Variants in FHIP2A observed in about 807,000 individuals in gnomAD.
The protein encoded by FHIP2A is FHF complex subunit HOOK interacting protein 2A.
Under a neutral mutation model 93.5 loss-of-function variants are expected in FHIP2A, and 46 were observed. The observed-to-expected ratio is 0.49, with a 90% CI of 0.39 to 0.63. The LOEUF (loss-of-function observed/expected upper bound fraction) is 0.63, where lower values mean the gene tolerates loss of function less well. Among genes scored for constraint, FHIP2A ranks in the 20% least tolerant of loss-of-function variants. The probability of loss-of-function intolerance (pLI) is 0.00; values close to 1 mark genes in which losing one functional copy is unlikely to be tolerated. For missense variants in FHIP2A, 769 were observed against 909.7 expected (o/e 0.85, Z 1.99); for synonymous variants, 332 against 326.5 (o/e 1.02, Z -0.18).
chr10:114,875,831 G>A (rs571433838), intron 16 of FHIP2A, among the ~76,000 whole-genome samples: 8 of 138,724 alleles, frequency 5.8e-5, no homozygotes, highest in East Asian at 2.0e-4. Flanking sequence ...AGGTAGGAAG[G>A]TAAGAGAGAA....
At chr10:114,876,197 A>G (rs1324299766) in intron 16 of FHIP2A, among the ~76,000 whole-genome samples, 1 of 151,860 alleles carries the variant, frequency 6.6e-6, no homozygotes, top group Non-Finnish European at 1.5e-5. Flanking sequence ...CTTCCTTCCT[A>G]CGTTCCCACC....
intron 5 of FHIP2A, among the ~76,000 whole-genome samples, chr10:114,837,750 A>G (rs745761153): frequency 7.2e-5 from 11 of 152,066 alleles, no homozygotes; most frequent in East Asian, 1.9e-4. Flanking sequence ...TTCCATCCCA[A>G]TAGTTTTCTC....
At chr10:114,876,284 T>A (rs974680868) in intron 16 of FHIP2A, among the ~76,000 whole-genome samples, 63 of 152,190 alleles carry the variant, frequency 4.1e-4, no homozygotes, top group African/African-American at 1.5e-3. Flanking sequence ...GTCCACGTCA[T>A]CTCTGGTCCT....
At chr10:114,879,498 A>C (rs1353255475) in intron 16 of FHIP2A, among the ~76,000 whole-genome samples, 2 of 152,218 alleles carry the variant, frequency 1.3e-5, no homozygotes, top group Non-Finnish European at 1.5e-5. Flanking sequence ...TTTTCAAGAA[A>C]GGTAATGATG....
At chr10:114,845,277 T>C in intron 7 of FHIP2A, 90 bp from the exon 8 acceptor site, 1 of 708,220 alleles carries the variant, frequency 1.4e-6, no homozygotes, top group Non-Finnish European at 2.6e-6. Flanking sequence ...TATCTGAGTG[T>C]GTTCATGTGC....
rs374400919 is a variant in FHIP2A, at chr10:114,861,275, T to C, written c.2133T>C (p.Phe711=). Residue 711 remains phenylalanine (F), a synonymous_variant, in exon 16 of 17, where the codon TTT becomes TTC. Transcript: ENST00000369248. The stretch of plus-strand genomic sequence containing the variant: ...TTCGAATCCAGCGTATTCAAGACTT[T>C]ACTCCCAAGCTTCTGTTAGTCAGAA... ...LMLRIQRIQD[F]TPKLLLVRKR... 5.6e-6 allele frequency: 9 copies of C among 1,614,222 alleles called. No individual in the cohort carries two copies. The highest frequency in any genetic ancestry group is 2.2e-5 in the East Asian group (1 of 44,888).
intron 16 of FHIP2A, among the ~76,000 whole-genome samples, chr10:114,889,504 G>T (rs1459241770): frequency 6.6e-6 from 1 of 152,150 alleles, no homozygotes; most frequent in Non-Finnish European, 1.5e-5. Flanking sequence ...TGCTCTATCA[G>T]TTATCTCCAT....
intron 16 of FHIP2A, among the ~76,000 whole-genome samples, chr10:114,890,739 T>C (rs561209368): frequency 2.2e-4 from 31 of 141,886 alleles, no homozygotes; most frequent in African/African-American, 7.2e-4. Flanking sequence ...AAATATATAC[T>C]GTATATGACA....
chr10:114,862,603 G>A lies in FHIP2A; in HGVS notation c.*1063G>A. The A allele has an allele frequency of 1.0e-6, 1 of 986,444 alleles. No individual in the cohort carries two copies. Among genetic ancestry groups the A allele is most frequent in the South Asian group, 4.7e-5 (1 of 21,336 alleles). The allele number at this position is 986,444 out of a possible 1,614,324, so 61.1% of individuals were successfully genotyped here. On this transcript the variant is annotated 3_prime_UTR_variant, in exon 17 of 17. Transcript: ENST00000369248. ...CTATTTACATGTTAAAGGATTTGGG[G>A]AAATTGGGTATGTATGTGAATGGGT...
intron 4 of FHIP2A, 46 bp from the exon 5 acceptor site, chr10:114,836,078 A>G: frequency 1.4e-6 from 2 of 1,470,134 alleles, no homozygotes; most frequent in Non-Finnish European, 9.2e-7. Flanking sequence ...ACAAATTTGT[A>G]AAAAGTAGCC....
intron 12 of FHIP2A, among the ~76,000 whole-genome samples, chr10:114,847,843 T>A (rs1027640051): frequency 6.7e-6 from 1 of 149,796 alleles, no homozygotes; most frequent in Non-Finnish European, 1.5e-5. Flanking sequence ...GTCTCCCGGG[T>A]TCAAGCGATT....
intron 16 of FHIP2A, among the ~76,000 whole-genome samples, chr10:114,886,321 C>G (rs1363151355): frequency 6.6e-6 from 1 of 151,920 alleles, no homozygotes; most frequent in African/African-American, 2.4e-5. Context: ...CAGGAGCACA[C>G]TTTGGAGTCC....
rs2083685072 is a variant in FHIP2A, at chr10:114,843,906, G to A, written c.982G>A (p.Asp328Asn). 6.3e-7 allele frequency: 1 copy of A among 1,583,256 alleles called. No individual in the cohort carries two copies. The highest frequency in any genetic ancestry group is 8.5e-7 in the Non-Finnish European group (1 of 1,171,942). Residue 328 changes from aspartate to asparagine, a missense_variant, in exon 7 of 17, where the codon GAT becomes AAT. Asp to Asn is a conservative substitution (Grantham distance 23). Coordinates refer to ENST00000369248, the MANE Select transcript of FHIP2A (RefSeq NM_020940.4). The stretch of plus-strand genomic sequence containing the variant: ...CCTACCTCAGTCAGTGGATCCGTTA[G>A]ATATTGAAACCGTGGAAGCAATTAA... Reference protein sequence around the residue: ...KALPQSVDPLDIETVEAINWG... With the variant: ...KALPQSVDPLNIETVEAINWG...
intron 14 of FHIP2A, among the ~76,000 whole-genome samples, chr10:114,859,970 A>T (rs1336937948): frequency 1.3e-5 from 2 of 152,102 alleles, no homozygotes; most frequent in Non-Finnish European, 2.9e-5. Context: ...ATTTTACTGT[A>T]TGTGTTTTTG....
intron 16 of FHIP2A, among the ~76,000 whole-genome samples, chr10:114,889,922 G>A (rs1459442503): frequency 6.6e-6 from 1 of 152,220 alleles, no homozygotes; most frequent in Admixed American, 6.5e-5. Context: ...TTGCCTCAGT[G>A]TTGGCCATTG....
chr10:114,860,727 T>C (rs1217938058), intron 14 of FHIP2A, 22 bp from the exon 15 acceptor site: 1 of 1,550,998 alleles, frequency 6.4e-7, no homozygotes, highest in Admixed American at 1.7e-5. Context: ...TAAATGTCTT[T>C]CTGTTTTTTA....
chr10:114,864,520 T>C lies in FHIP2A; in HGVS notation c.*2980T>C, dbSNP rs1197055390. 2.5e-5 allele frequency: 25 copies of C among 985,730 alleles called. No homozygotes were observed. The highest frequency in any genetic ancestry group is 2.9e-5 in the Non-Finnish European group (24 of 829,944). The allele number at this position is 985,730 out of a possible 1,614,324, so 61.1% of individuals were successfully genotyped here. A position where few individuals can be genotyped will look rare whatever the true frequency, so the allele number is the denominator to read the frequency against. Reference sequence around the variant, plus strand: ...GGATATTTGGTAAATTTTTTTGTATTGAAAGTTGTGTAGGTTACTGACAGT... The same window carrying C: ...GGATATTTGGTAAATTTTTTTGTATCGAAAGTTGTGTAGGTTACTGACAGT... On this transcript the variant is annotated 3_prime_UTR_variant, in exon 17 of 17. Coordinates refer to ENST00000369248, the MANE Select transcript of FHIP2A (RefSeq NM_020940.4).
In FHIP2A at chr10:114,863,395, G is replaced by A; in HGVS notation, c.*1855G>A. 9.6e-7 allele frequency: 1 copy of A among 1,044,460 alleles called. No homozygotes were observed. Among genetic ancestry groups the A allele is most frequent in the Non-Finnish European group, 1.2e-6 (1 of 864,358 alleles). 64.7% of individuals were successfully genotyped at this position (1,044,460 alleles called of 1,614,324 possible). ...AATGTTTTCATAGTGCTCAATAGGT[G>A]TAGTAGCAATGATATTACCTCTGAA... On this transcript the variant is annotated 3_prime_UTR_variant, in exon 17 of 17. Transcript: ENST00000369248.
intron 14 of FHIP2A, among the ~76,000 whole-genome samples, chr10:114,858,264 C>T (rs2143012921): frequency 6.6e-6 from 1 of 152,316 alleles, no homozygotes; most frequent in South Asian, 2.1e-4. Context: ...GAGACCATTT[C>T]AGAGTACAGT....
Sources: gnomAD v4.1 joint callset for allele counts (sites outside exome capture counted in the v4.1 genomes callset) on GRCh38, gnomAD v4.1.1 for gene constraint, MANE v1.5 for transcripts, NCBI Gene and HGNC (gene_info 2026-07-23, HGNC 2026-07-21) for gene names.